The following ELMO1 variants were observed in gnomAD, a reference collection of about 807,000 sequenced individuals.
ELMO1 encodes engulfment and cell motility protein 1.
In ELMO1, 26 loss-of-function variants were observed where a neutral mutation model predicts 98.9. The ratio of observed to expected loss-of-function variants is 0.26; its 90% CI spans 0.19 to 0.36. The LOEUF is 0.36. Ranked by LOEUF, ELMO1 falls within the 10% of genes least tolerant of loss-of-function variation. The pLI is 1.00. For missense variants in ELMO1, 627 were observed against 935.2 expected, an observed-to-expected ratio of 0.67 and a Z score of 4.30; for synonymous variants, 346 against 346.0, an observed-to-expected ratio of 1.00 and a Z score of 0.00.
At position 37,404,818 on chromosome 7, in the gene ELMO1, G is replaced by T. The variant is rs376269499; in HGVS notation, c.-74+43857C>A. Among the ~76,000 whole-genome samples the T allele has an allele frequency of 1.2e-4, 19 of 152,254 alleles. 1 individual carries two copies. The South Asian group carries it at 3.7e-3, about 30-fold the overall frequency. ...TTTTAGTTCTAAATAGATTGTGGTCGCAACTGGGTAATCGTTACTTGATGA... is the reference window on the plus strand; with the variant it reads ...TTTTAGTTCTAAATAGATTGTGGTCTCAACTGGGTAATCGTTACTTGATGA... On this transcript the variant is annotated intron_variant, in intron 1 of 21. Transcript: ENST00000310758.
chr7:36,972,877 T>G (rs1323406652), intron 16 of ELMO1, among the ~76,000 whole-genome samples: 5 of 152,164 alleles, frequency 3.3e-5, no homozygotes, highest in African/African-American at 4.8e-5. Flanking sequence ...ACCTCCCAGT[T>G]TCAAGCGATT....
At chr7:37,349,540 GC>G (rs896065973) in intron 1 of ELMO1, among the ~76,000 whole-genome samples, 1 of 151,972 alleles carries the variant, frequency 6.6e-6, no homozygotes, top group Non-Finnish European at 1.5e-5. Context: ...TGTAACCTCC[GC>G]CCCCCGGGTT....
chr7:37,435,327 T>A (rs1264310267), intron 1 of ELMO1: 1 of 152,228 alleles, frequency 6.6e-6, no homozygotes, highest in Non-Finnish European at 1.5e-5. Context: ...TCCTGAAAGT[T>A]AAAGGCAGCA....
At chr7:36,880,911 G>A (rs573418516) in intron 18 of ELMO1, among the ~76,000 whole-genome samples, 32 of 152,280 alleles carry the variant, frequency 2.1e-4, no homozygotes, top group South Asian at 1.0e-3. Flanking sequence ...GGTCTGCAGC[G>A]GACAGATTTT....
At chr7:37,407,376 T>G (rs1035329542) in intron 1 of ELMO1, among the ~76,000 whole-genome samples, 1 of 151,812 alleles carries the variant, frequency 6.6e-6, no homozygotes, top group East Asian at 1.9e-4. Flanking sequence ...GGCGTGATGG[T>G]GGGTGCCTGT....
Position 37,239,620 on chromosome 7 carries a change from T to C in ELMO1, c.449+4736A>G, listed in dbSNP as rs79569994. ...GAGTTTGGGCAATGCCTGTGGAAGATAAAGCAGGCAGAAAGCAGGATTGAG... is the reference window on the plus strand; with the variant it reads ...GAGTTTGGGCAATGCCTGTGGAAGACAAAGCAGGCAGAAAGCAGGATTGAG... On this transcript the variant is annotated intron_variant, in intron 7 of 21. Coordinates refer to ENST00000310758, the MANE Select transcript of ELMO1 (RefSeq NM_014800.11). Among the ~76,000 whole-genome samples the C allele has an allele frequency of 9.2e-3, 1,407 of 152,244 alleles. 16 individuals are homozygous for C. Among genetic ancestry groups the C allele is most frequent in the African/African-American group, 0.033 (1,353 of 41,526 alleles).
At chr7:37,059,657 C>T (rs1346639032) in intron 15 of ELMO1, among the ~76,000 whole-genome samples, 1 of 152,168 alleles carries the variant, frequency 6.6e-6, no homozygotes, top group Non-Finnish European at 1.5e-5. Context: ...GCTTTGAAGT[C>T]ATGTGCAGGA....
chr7:36,920,046 C>A (rs1000730842), intron 16 of ELMO1, among the ~76,000 whole-genome samples: 1 of 152,138 alleles, frequency 6.6e-6, no homozygotes, highest in Non-Finnish European at 1.5e-5. Flanking sequence ...GGAATGATGT[C>A]CAATCACTTT....
chr7:36,858,214 C>A (rs917323415), intron 21 of ELMO1, among the ~76,000 whole-genome samples: 9 of 152,166 alleles, frequency 5.9e-5, no homozygotes, highest in Admixed American at 2.6e-4. Flanking sequence ...GCCAGTTTCT[C>A]TTTATATATC....
chr7:37,042,680 G>A (rs992120220), intron 15 of ELMO1, among the ~76,000 whole-genome samples: 5 of 152,266 alleles, frequency 3.3e-5, no homozygotes, highest in Admixed American at 2.0e-4. Flanking sequence ...TGAGAACATC[G>A]TTCTTTATGT....
chr7:36,984,687 CTTCA>C (rs947453830), intron 16 of ELMO1, among the ~76,000 whole-genome samples: 11 of 152,178 alleles, frequency 7.2e-5, no homozygotes, highest in African/African-American at 2.7e-4. Flanking sequence ...AAACCAGATG[CTTCA>C]TTCTCTTTTC....
intron 16 of ELMO1, among the ~76,000 whole-genome samples, chr7:36,956,033 T>C (rs149684424): frequency 1.9e-3 from 290 of 152,318 alleles, no homozygotes; most frequent in African/African-American, 6.5e-3. Flanking sequence ...TTTAGATCTC[T>C]AGGTCTTAAC....
chr7:36,982,534 A>G (rs1791154830), intron 16 of ELMO1, among the ~76,000 whole-genome samples: 1 of 152,202 alleles, frequency 6.6e-6, no homozygotes, highest in Admixed American at 6.5e-5. Flanking sequence ...TTGTCCCTGT[A>G]GTACATTTTT....
intron 14 of ELMO1, among the ~76,000 whole-genome samples, chr7:37,125,346 G>T (rs1266679256): frequency 6.6e-6 from 1 of 152,040 alleles, no homozygotes; most frequent in African/African-American, 2.4e-5. Context: ...AGAGTGAACA[G>T]GCAACCTACA....
chr7:37,186,460 A>G (rs1791212995), intron 13 of ELMO1, among the ~76,000 whole-genome samples: 1 of 152,216 alleles, frequency 6.6e-6, no homozygotes, highest in Admixed American at 6.5e-5. Flanking sequence ...AACTAGATAT[A>G]TATCAAAATA....
intron 7 of ELMO1, among the ~76,000 whole-genome samples, chr7:37,240,628 C>T (rs56820839): frequency 0.15 from 22,840 of 151,962 alleles, 2,205 homozygotes; most frequent in African/African-American, 0.25. Flanking sequence ...CAAATTTCCC[C>T]CTAAGCACAG....
chr7:36,869,566 A>G (rs1293153468), intron 20 of ELMO1, among the ~76,000 whole-genome samples: 1 of 152,232 alleles, frequency 6.6e-6, no homozygotes, highest in Non-Finnish European at 1.5e-5. Context: ...TTTTGGTACC[A>G]GATTTTCTGG....
At chr7:37,078,842 G>A (rs930375040) in intron 15 of ELMO1, among the ~76,000 whole-genome samples, 6 of 151,932 alleles carry the variant, frequency 3.9e-5, no homozygotes, top group African/African-American at 1.5e-4. Flanking sequence ...TTTTGTTATC[G>A]TGGATAGTTA....
chr7:36,861,322 T>C (rs1208543229), intron 21 of ELMO1, among the ~76,000 whole-genome samples: 2 of 152,182 alleles, frequency 1.3e-5, no homozygotes, highest in Non-Finnish European at 2.9e-5. Flanking sequence ...CCAGTTTATC[T>C]TGGGAAAATC....
Sources: allele counts gnomAD v4.1 joint callset (sites outside exome capture counted in the v4.1 genomes callset), GRCh38; gene constraint gnomAD v4.1.1; transcripts MANE v1.5; gene names NCBI Gene and HGNC (gene_info 2026-07-23, HGNC 2026-07-21).